Variants in PLAC8 observed in about 807,000 individuals in gnomAD.
The protein encoded by PLAC8 is placenta associated 8, also known as placenta-specific gene 8 protein.
Under a neutral mutation model 12.6 loss-of-function variants are expected in PLAC8, and 6 were observed. The observed-to-expected ratio is 0.48, with a 90% confidence interval of 0.26 to 0.94. PLAC8 has a LOEUF of 0.94. Ranked by LOEUF, PLAC8 falls within the 40% of genes least tolerant of loss-of-function variation. PLAC8 has a pLI of 0.14. For synonymous variants in PLAC8, 54 were observed against 52.6 expected, an observed-to-expected ratio of 1.03 and a Z score of -0.11; for missense variants, 122 against 152.7, an observed-to-expected ratio of 0.80 and a Z score of 1.06.
chr4:83,098,646 G>A (rs563466452), intron 3 of PLAC8, among the ~76,000 whole-genome samples: 3 of 152,128 alleles, frequency 2.0e-5, no homozygotes, highest in Non-Finnish European at 4.4e-5. Flanking sequence ...AAAAAAAGGA[G>A]GACAGAAAGA....
rs182851255 is a variant in PLAC8, at chr4:83,097,590, T to C, written c.244-2799A>G. Among the ~76,000 whole-genome samples, 41 of 152,324 alleles carry C rather than the reference T, an allele frequency of 2.7e-4. 1 individual carries two copies. Among genetic ancestry groups the C allele is most frequent in the Admixed American group, 2.6e-3 (40 of 15,288 alleles). Reference sequence around the variant, plus strand: ...GGGACATATGGAGAGCCATGCCCGCTAGCTATGCTAAAAAGAGTCTGACCT... The same window carrying C: ...GGGACATATGGAGAGCCATGCCCGCCAGCTATGCTAAAAAGAGTCTGACCT... On this transcript the variant is annotated intron_variant, in intron 3 of 4. Transcript: ENST00000311507.
At chr4:83,108,915 T>C (rs967379975) in intron 1 of PLAC8, among the ~76,000 whole-genome samples, 7 of 152,222 alleles carry the variant, frequency 4.6e-5, no homozygotes, top group African/African-American at 1.7e-4. Context: ...TCCTGACTTG[T>C]CCTTCACTTC....
At chr4:83,108,576 A>G (rs1339125014) in intron 1 of PLAC8, among the ~76,000 whole-genome samples, 2 of 152,236 alleles carry the variant, frequency 1.3e-5, no homozygotes, top group Non-Finnish European at 2.9e-5. Context: ...CCTGGGCGAC[A>G]GAGTGAGACT....
chr4:83,099,788 GAAATCT>G, intron 3 of PLAC8, among the ~76,000 whole-genome samples: 2 of 148,072 alleles, frequency 1.4e-5, no homozygotes, highest in Non-Finnish European at 3.0e-5. Context: ...ACAGGGTCAA[GAAATCT>G]AGACCATCCT....
rs367571147 is a variant in PLAC8, at chr4:83,108,032, T to C, written c.-29-82A>G. 72 of 352,022 alleles carry C rather than the reference T, an allele frequency of 2.0e-4. No individual in the cohort carries two copies. In the East Asian group the frequency reaches 5.7e-3, roughly 28 times the overall value. 21.8% of individuals were successfully genotyped at this position (352,022 alleles called of 1,614,324 possible). Reference sequence around the variant, plus strand: ...GGATAGCATTAGGAGATATACCTAATGTAAATGACGAGTTAATGGGTGCAG... The same window carrying C: ...GGATAGCATTAGGAGATATACCTAACGTAAATGACGAGTTAATGGGTGCAG... On this transcript the variant is annotated intron_variant, in intron 1 of 4. Coordinates refer to ENST00000311507, the MANE Select transcript of PLAC8 (RefSeq NM_016619.3).
chr4:83,113,976 T>C (rs1302797822), intron 1 of PLAC8, among the ~76,000 whole-genome samples: 1 of 150,578 alleles, frequency 6.6e-6, no homozygotes, highest in African/African-American at 2.4e-5. Context: ...ATATTAATTA[T>C]AGTAATATTA....
chr4:83,098,051 G>T (rs536854991), intron 3 of PLAC8, among the ~76,000 whole-genome samples: 2 of 152,148 alleles, frequency 1.3e-5, no homozygotes, highest in Admixed American at 1.3e-4. Flanking sequence ...TAGAGATGGG[G>T]TTTCACCATG....
intron 4 of PLAC8, chr4:83,093,602 G>A (rs1183349843): frequency 1.3e-5 from 2 of 152,166 alleles, no homozygotes; most frequent in Non-Finnish European, 2.9e-5. Context: ...AAAAATCACT[G>A]CTTTCAAGAA....
Position 83,100,144 on chromosome 4 carries a change from G to A in PLAC8, c.243+4752C>T, listed in dbSNP as rs562713874. ...AAAATACAAAAAAATAGCCAGGCGT[G>A]GTGGCGGGCTCCTGTAGTCCCAGCT... On this transcript the variant is annotated intron_variant, in intron 3 of 4. Coordinates refer to ENST00000311507, the MANE Select transcript of PLAC8 (RefSeq NM_016619.3). Among the ~76,000 whole-genome samples the A allele has an allele frequency of 6.6e-4, 101 of 152,004 alleles. 1 individual carries two copies. The highest frequency in any genetic ancestry group is 2.4e-3 in the African/African-American group (99 of 41,442).
At chr4:83,105,127 G>C in intron 2 of PLAC8, 107 bp from the exon 3 acceptor site, 1 of 1,225,228 alleles carries the variant, frequency 8.2e-7, no homozygotes, top group Non-Finnish European at 1.2e-6. Flanking sequence ...GGCCTTGGCC[G>C]CAAAGCCTGC....
At chr4:83,097,729 T>C (rs1428522936) in intron 3 of PLAC8, among the ~76,000 whole-genome samples, 1 of 152,230 alleles carries the variant, frequency 6.6e-6, no homozygotes, top group Admixed American at 6.5e-5. Flanking sequence ...TATGGTAACA[T>C]GTAATTGAGA....
At chr4:83,111,920 T>C (rs7663939) in intron 1 of PLAC8, among the ~76,000 whole-genome samples, 10,980 of 151,922 alleles carry the variant, frequency 0.072, 1,282 homozygotes, top group African/African-American at 0.25. Context: ...CGGCTGGGTG[T>C]GGTGGCTTAC....
intron 2 of PLAC8, among the ~76,000 whole-genome samples, chr4:83,106,624 A>AT (rs897861389): frequency 9.2e-5 from 14 of 152,078 alleles, no homozygotes; most frequent in African/African-American, 3.4e-4. Context: ...TCTCAAAAAA[A>AT]ACAAAAAACA....
At chr4:83,092,022 G>T (rs1731818197) in intron 4 of PLAC8, among the ~76,000 whole-genome samples, 1 of 152,034 alleles carries the variant, frequency 6.6e-6, no homozygotes, top group Non-Finnish European at 1.5e-5. Context: ...CGTAAATCAT[G>T]TTGTTATTCC....
intron 3 of PLAC8, among the ~76,000 whole-genome samples, chr4:83,098,901 A>G (rs1732015368): frequency 6.6e-6 from 1 of 152,182 alleles, no homozygotes; most frequent in African/African-American, 2.4e-5. Flanking sequence ...TTTAGATATT[A>G]GGTCCTCTAA....
chr4:83,108,577 G>C (rs964668119), intron 1 of PLAC8, among the ~76,000 whole-genome samples: 4 of 152,212 alleles, frequency 2.6e-5, no homozygotes, highest in Non-Finnish European at 1.5e-5. Flanking sequence ...CTGGGCGACA[G>C]AGTGAGACTC....
chr4:83,101,145 C>T (rs1450998556), intron 3 of PLAC8, among the ~76,000 whole-genome samples: 2 of 152,030 alleles, frequency 1.3e-5, no homozygotes, highest in Non-Finnish European at 2.9e-5. Flanking sequence ...TTTGGGAGGC[C>T]GAGTTGGGCA....
intron 1 of PLAC8, among the ~76,000 whole-genome samples, chr4:83,114,408 A>G (rs1199159002): frequency 6.6e-5 from 10 of 152,236 alleles, no homozygotes; most frequent in Admixed American, 6.5e-4. Flanking sequence ...GAAAGCAGCA[A>G]TTGATGAGGA....
At chr4:83,107,216 A>C (rs540426326) in intron 2 of PLAC8, among the ~76,000 whole-genome samples, 109 of 124,746 alleles carry the variant, frequency 8.7e-4, no homozygotes, top group Non-Finnish European at 1.3e-3. Flanking sequence ...CAAACAAAAA[A>C]AAAAAACAAA....
Sources: gnomAD v4.1 joint callset for allele counts (sites outside exome capture counted in the v4.1 genomes callset) on GRCh38, gnomAD v4.1.1 for gene constraint, MANE v1.5 for transcripts, NCBI Gene and HGNC (gene_info 2026-07-23, HGNC 2026-07-21) for gene names.